Variants in TTLL5 observed in about 807,000 individuals in gnomAD.
The protein encoded by TTLL5 is tubulin polyglutamylase TTLL5.
Under a neutral mutation model 168.4 loss-of-function variants are expected in TTLL5, and 132 were observed. That is an observed-to-expected ratio of 0.78 (90% CI 0.68 to 0.91). TTLL5 has a LOEUF of 0.91. Among genes scored for constraint, TTLL5 ranks in the 40% least tolerant of loss-of-function variants. TTLL5 has a pLI of 0.00. For missense variants in TTLL5, 1,545 were observed against 1,581.5 expected, an observed-to-expected ratio of 0.98 and a Z score of 0.39; for synonymous variants, 546 against 558.6, an observed-to-expected ratio of 0.98 and a Z score of 0.32.
chr14:75,945,717 C>T (rs1379776617), intron 31 of TTLL5, among the ~76,000 whole-genome samples: 1 of 151,932 alleles, frequency 6.6e-6, no homozygotes, highest in Non-Finnish European at 1.5e-5. Context: ...AATGGGACAA[C>T]ATTTGAAGAG....
intron 27 of TTLL5, among the ~76,000 whole-genome samples, chr14:75,810,783 C>G (rs893575156): frequency 3.3e-5 from 5 of 152,138 alleles, no homozygotes; most frequent in African/African-American, 1.2e-4. Context: ...GTTTCTTAGG[C>G]CTTTGCAGTT....
At chr14:75,748,604 T>G (rs2140266584) in intron 17 of TTLL5, among the ~76,000 whole-genome samples, 1 of 152,370 alleles carries the variant, frequency 6.6e-6, no homozygotes, top group East Asian at 1.9e-4. Flanking sequence ...GATCCGTTGC[T>G]GAAGTTTTTG....
intron 12 of TTLL5, among the ~76,000 whole-genome samples, chr14:75,726,759 T>C (rs1322657174): frequency 6.6e-6 from 1 of 152,050 alleles, no homozygotes; most frequent in Admixed American, 6.6e-5. Context: ...GTTATGGAGG[T>C]GGATTTGGGC....
In TTLL5 at chr14:75,661,311, C is replaced by T. The variant is rs1890703781; in HGVS notation, c.-172C>T. ...GCCGTCGGCGGCTGCCCTGAGCCTTCCTGGGGAAGGAGGAGGGAGGTAGGC... is the reference window on the plus strand; with the variant it reads ...GCCGTCGGCGGCTGCCCTGAGCCTTTCTGGGGAAGGAGGAGGGAGGTAGGC... On this transcript the variant is annotated 5_prime_UTR_variant, in exon 1 of 32. Coordinates refer to ENST00000298832, the MANE Select transcript of TTLL5 (RefSeq NM_015072.5). The T allele has an allele frequency of 6.6e-6, 1 of 152,236 alleles. No individual in the cohort carries two copies. 9.4% of individuals were successfully genotyped at this position (152,236 alleles called of 1,614,324 possible).
intron 15 of TTLL5, among the ~76,000 whole-genome samples, chr14:75,735,921 T>A (rs183158823): frequency 6.6e-6 from 1 of 152,210 alleles, no homozygotes; most frequent in Non-Finnish European, 1.5e-5. Flanking sequence ...ACCCTGCTAA[T>A]TTTCCACTTT....
intron 6 of TTLL5, among the ~76,000 whole-genome samples, chr14:75,691,705 A>T (rs1885474171): frequency 6.6e-6 from 1 of 152,246 alleles, no homozygotes; most frequent in Non-Finnish European, 1.5e-5. Context: ...TGAGACACAC[A>T]GAGAGGACAG....
chr14:75,924,105 CT>C (rs1179024685), intron 31 of TTLL5, among the ~76,000 whole-genome samples: 2 of 151,074 alleles, frequency 1.3e-5, no homozygotes, highest in African/African-American at 4.9e-5. Flanking sequence ...TGTTTTGAGC[CT>C]ATGTGTGTCT....
intron 11 of TTLL5, among the ~76,000 whole-genome samples, 183 bp downstream of exon 11, chr14:75,720,009 C>T (rs1887740171): frequency 6.6e-6 from 1 of 152,166 alleles, no homozygotes; most frequent in Non-Finnish European, 1.5e-5. Flanking sequence ...CTCAAAATCC[C>T]TTTTCTTGTT....
Position 75,787,676 on chromosome 14 carries a change from G to A in TTLL5, c.2986+4146G>A, listed in dbSNP as rs114512149. Among the ~76,000 whole-genome samples the A allele has an allele frequency of 1.6e-4, 24 of 152,194 alleles. No homozygotes were observed. The South Asian group carries it at 2.3e-3, about 14-fold the overall frequency. On this transcript the variant is annotated intron_variant, in intron 26 of 31. Transcript: ENST00000298832. The stretch of plus-strand genomic sequence containing the variant: ...TTATTTATTGATAATATATAGGACC[G>A]TGTACCCAATAATTAGACAAAACGC...
At chr14:75,888,490 T>C (rs565101356) in intron 30 of TTLL5, among the ~76,000 whole-genome samples, 1 of 152,316 alleles carries the variant, frequency 6.6e-6, no homozygotes, top group Non-Finnish European at 1.5e-5. Flanking sequence ...TGGCAGGAAT[T>C]TATGCTAACC....
At chr14:75,908,143 A>C (rs2033221319) in intron 31 of TTLL5, among the ~76,000 whole-genome samples, 2 of 152,230 alleles carry the variant, frequency 1.3e-5, no homozygotes, top group African/African-American at 4.8e-5. Flanking sequence ...TAAGCGAGGG[A>C]TGACTGATGC....
intron 31 of TTLL5, among the ~76,000 whole-genome samples, chr14:75,910,794 G>C (rs995076): frequency 2.3e-4 from 35 of 152,288 alleles, no homozygotes; most frequent in African/African-American, 8.2e-4. Flanking sequence ...TTTTTATCCT[G>C]TATTCTTTCA....
At chr14:75,705,393 G>A (rs1169302040) in intron 7 of TTLL5, among the ~76,000 whole-genome samples, 1 of 152,212 alleles carries the variant, frequency 6.6e-6, no homozygotes, top group Non-Finnish European at 1.5e-5. Flanking sequence ...GGTAGGAAAT[G>A]CATTGTTATA....
chr14:75,844,456 C>T (rs1896434451), intron 28 of TTLL5, among the ~76,000 whole-genome samples: 1 of 152,122 alleles, frequency 6.6e-6, no homozygotes, highest in Non-Finnish European at 1.5e-5. Context: ...TTAGCAGGGG[C>T]TATTTTAAGT....
chr14:75,923,730 T>C (rs1415210785), intron 31 of TTLL5, among the ~76,000 whole-genome samples: 2 of 152,248 alleles, frequency 1.3e-5, no homozygotes, highest in Non-Finnish European at 2.9e-5. Flanking sequence ...TTAGGTCTGC[T>C]TGGTGCAGAG....
chr14:75,664,183 T>C (rs1883089780), intron 2 of TTLL5, among the ~76,000 whole-genome samples: 1 of 151,964 alleles, frequency 6.6e-6, no homozygotes, highest in African/African-American at 2.4e-5. Flanking sequence ...AATCTGAAGG[T>C]GTTATTATTT....
intron 26 of TTLL5, among the ~76,000 whole-genome samples, chr14:75,784,931 CAT>C (rs1214160162): frequency 1.3e-5 from 2 of 151,954 alleles, no homozygotes; most frequent in South Asian, 2.1e-4. Flanking sequence ...TTTTAAAATT[CAT>C]ATGTTTTCCT....
chr14:75,945,062 C>T (rs769764546), intron 31 of TTLL5, among the ~76,000 whole-genome samples: 102 of 152,008 alleles, frequency 6.7e-4, no homozygotes, highest in Non-Finnish European at 1.1e-3. Flanking sequence ...AGATGCAAGA[C>T]GCCAGAAGTA....
intron 2 of TTLL5, among the ~76,000 whole-genome samples, chr14:75,667,458 C>T (rs1883346011): frequency 6.6e-6 from 1 of 152,154 alleles, no homozygotes; most frequent in African/African-American, 2.4e-5. Context: ...TTCATGCCCA[C>T]ATTTTACAGG....
Sources: allele counts gnomAD v4.1 joint callset (sites outside exome capture counted in the v4.1 genomes callset), GRCh38; gene constraint gnomAD v4.1.1; transcripts MANE v1.5; gene names NCBI Gene and HGNC (gene_info 2026-07-23, HGNC 2026-07-21).